The following PRH1 variants were observed in gnomAD, a reference collection of about 807,000 sequenced individuals.
The protein encoded by PRH1 is salivary acidic proline-rich phosphoprotein 1/2.
A neutral mutation model predicts 7.9 loss-of-function variants in PRH1; 7 were observed. The ratio of observed to expected loss-of-function variants is 0.89; its 90% CI spans 0.50 to 1.67. PRH1 has a LOEUF of 1.67. PRH1 is among the 40% of genes most tolerant of loss of function. PRH1 has a pLI of 0.00. For missense variants in PRH1, 109 were observed against 223.6 expected, an observed-to-expected ratio of 0.49 and a Z score of 3.27; for synonymous variants, 45 against 80.8, an observed-to-expected ratio of 0.56 and a Z score of 2.38.
chr12:11,129,013 C>G (rs771070321), intron 1 of PRH1, among the ~76,000 whole-genome samples: 3 of 152,154 alleles, frequency 2.0e-5, no homozygotes, highest in Non-Finnish European at 2.9e-5. Flanking sequence ...GCCTGGAACT[C>G]CTGGGCTCAA....
chr12:11,037,502 T>A (rs1268989363), intron 1 of PRH1, among the ~76,000 whole-genome samples: 1 of 152,226 alleles, frequency 6.6e-6, no homozygotes, highest in Non-Finnish European at 1.5e-5. Context: ...AATATGAGTA[T>A]AAATATTTCA....
intron 2 of PRH1, among the ~76,000 whole-genome samples, chr12:10,944,762 C>T (rs1414207258): frequency 6.6e-6 from 1 of 152,026 alleles, no homozygotes; most frequent in East Asian, 1.9e-4. Flanking sequence ...AATAGTTTAA[C>T]ATGAAGGGAT....
chr12:11,018,318 CA>C (rs1193829793), intron 1 of PRH1, among the ~76,000 whole-genome samples: 2 of 152,192 alleles, frequency 1.3e-5, no homozygotes, highest in African/African-American at 4.8e-5. Context: ...AGACCCCGTG[CA>C]ACTACACAAG....
intron 2 of PRH1, chr12:10,895,794 C>A (rs1019567530): frequency 3.3e-5 from 5 of 152,154 alleles, no homozygotes; most frequent in African/African-American, 1.2e-4. Flanking sequence ...ATGATATTAA[C>A]CAATACAATG....
intron 1 of PRH1, among the ~76,000 whole-genome samples, chr12:11,138,089 C>CT (rs1946606365): frequency 6.6e-6 from 1 of 152,032 alleles, no homozygotes; most frequent in African/African-American, 2.4e-5. Flanking sequence ...TTTTATTATA[C>CT]TTTAAAAATT....
chr12:10,985,974 T>C, intron 1 of PRH1: 1 of 1,611,486 alleles, frequency 6.2e-7, no homozygotes, highest in Non-Finnish European at 8.5e-7. Context: ...GCACCTAATC[T>C]GACACAAAAT....
intron 1 of PRH1, among the ~76,000 whole-genome samples, chr12:11,027,196 T>C (rs1427174182): frequency 6.6e-6 from 1 of 150,888 alleles, no homozygotes; most frequent in East Asian, 1.9e-4. Flanking sequence ...GCCCAGAAGG[T>C]TGAGGCTGTA....
At chr12:10,922,473 C>T (rs1261952432) in intron 2 of PRH1, among the ~76,000 whole-genome samples, 1 of 152,112 alleles carries the variant, frequency 6.6e-6, no homozygotes, top group Non-Finnish European at 1.5e-5. Context: ...TAACATTTTA[C>T]TACTTTACAT....
intron 1 of PRH1, among the ~76,000 whole-genome samples, chr12:11,145,625 G>T (rs1056850681): frequency 6.6e-6 from 1 of 152,144 alleles, no homozygotes; most frequent in Non-Finnish European, 1.5e-5. Context: ...TCACAGAAAA[G>T]GAAATTTGGG....
At chr12:11,123,127 G>A (rs1205049573) in intron 1 of PRH1, among the ~76,000 whole-genome samples, 2 of 152,142 alleles carry the variant, frequency 1.3e-5, no homozygotes, top group Non-Finnish European at 2.9e-5. Flanking sequence ...TCAACATTAT[G>A]TATCTGAAAT....
At chr12:11,033,852 C>T (rs1391906100) in intron 1 of PRH1, among the ~76,000 whole-genome samples, 1 of 151,842 alleles carries the variant, frequency 6.6e-6, no homozygotes, top group Non-Finnish European at 1.5e-5. Flanking sequence ...AGAAATGAAC[C>T]AATACAAAAA....
chr12:11,134,261 A>C (rs763714284), intron 1 of PRH1: 1 of 1,594,088 alleles, frequency 6.3e-7, no homozygotes, highest in Non-Finnish European at 8.5e-7. Context: ...ACAGACAAAA[A>C]GAAATTTTTA....
At chr12:10,975,025 T>C (rs1436351376) in intron 1 of PRH1, among the ~76,000 whole-genome samples, 2 of 152,186 alleles carry the variant, frequency 1.3e-5, no homozygotes, top group African/African-American at 2.4e-5. Flanking sequence ...CACGGCATAA[T>C]TGAGCAAGCT....
In PRH1 at chr12:10,935,355, T is replaced by A. The variant is rs1222355981; in HGVS notation, c.-59+38300A>T. On this transcript the variant is annotated intron_variant, in intron 2 of 3. Transcript: ENST00000539853. Reference sequence around the variant, plus strand: ...TCCTGACATTAAAAAATATTATATATCAAAATATTTTAAAAACATAATTAC... The same window carrying A: ...TCCTGACATTAAAAAATATTATATAACAAAATATTTTAAAAACATAATTAC... Among the ~76,000 whole-genome samples the A allele has an allele frequency of 2.0e-5, 3 of 152,280 alleles. No individual in the cohort carries two copies. In the South Asian group the frequency reaches 6.2e-4, roughly 32 times the overall value.
intron 1 of PRH1, among the ~76,000 whole-genome samples, chr12:11,151,052 G>C (rs559239195): frequency 1.3e-5 from 2 of 152,198 alleles, no homozygotes; most frequent in African/African-American, 4.8e-5. Context: ...CCTCTTGCTG[G>C]GCTGGCTGGA....
At chr12:11,079,600 C>T (rs567401493) in intron 1 of PRH1, among the ~76,000 whole-genome samples, 2,537 of 69,032 alleles carry the variant, frequency 0.037, 24 homozygotes, top group Non-Finnish European at 0.049. Flanking sequence ...GTGATAAAGG[C>T]ACTCTGCTAA....
intron 2 of PRH1, among the ~76,000 whole-genome samples, chr12:10,945,570 G>A (rs1950473615): frequency 1.3e-5 from 2 of 152,236 alleles, no homozygotes; most frequent in East Asian, 1.9e-4. Context: ...GGCAAATGGA[G>A]GCAGGGCGAG....
intron 2 of PRH1, among the ~76,000 whole-genome samples, chr12:10,942,948 C>A (rs1269072028): frequency 3.9e-5 from 6 of 152,152 alleles, no homozygotes; most frequent in African/African-American, 1.4e-4. Flanking sequence ...AGGTTGTAAT[C>A]TTTTCCCATA....
chr12:11,157,983 T>C (rs1318345349), intron 1 of PRH1, among the ~76,000 whole-genome samples: 2 of 152,208 alleles, frequency 1.3e-5, no homozygotes, highest in South Asian at 2.1e-4. Flanking sequence ...CACCATTCTC[T>C]GCATCAGGGC....
Sources: allele counts gnomAD v4.1 joint callset (sites outside exome capture counted in the v4.1 genomes callset), GRCh38; gene constraint gnomAD v4.1.1; transcripts MANE v1.5; gene names NCBI Gene and HGNC (gene_info 2026-07-23, HGNC 2026-07-21).